FNDC10: variants seen among roughly 807,000 people sequenced by gnomAD.
The protein encoded by FNDC10 is fibronectin type III domain-containing protein 10.
In FNDC10, 8 loss-of-function variants were observed where a neutral mutation model predicts 11.6. The ratio of observed to expected loss-of-function variants is 0.69; its 90% CI spans 0.41 to 1.25. The LOEUF is 1.25. Among genes scored for constraint, FNDC10 ranks in the 50% most tolerant of loss-of-function variants. FNDC10 has a pLI of 0.01. For synonymous variants in FNDC10, 187 were observed against 162.9 expected, an observed-to-expected ratio of 1.15 and a Z score of -1.12; for missense variants, 308 against 330.2, an observed-to-expected ratio of 0.93 and a Z score of 0.52.
rs2100219842 is a variant in FNDC10, at chr1:1,599,214, G to C, written c.*121C>G. 1 of 997,082 alleles carries C rather than the reference G, an allele frequency of 1.0e-6. No individual in the cohort carries two copies. The highest frequency in any genetic ancestry group is 1.8e-5 in the South Asian group (1 of 56,326). 61.8% of individuals were successfully genotyped at this position (997,082 alleles called of 1,614,324 possible). ...AAAGTGCCGGAGCCGTCGCCGGCAG[G>C]TCCTCCTCCGCGGGGATCTTAAGGA... On this transcript the variant is annotated 3_prime_UTR_variant, in exon 1 of 1. Transcript: ENST00000422725. This position sits in a 1 kb window ranked among gnomAD's most constrained non-coding sequence, Gnocchi z 6.7.
rs1643095978 is a variant in FNDC10, at chr1:1,600,039, G to A, written c.-24C>T. 4 of 976,954 alleles carry A rather than the reference G, an allele frequency of 4.1e-6. No homozygotes were observed. Among genetic ancestry groups the A allele is most frequent in the Non-Finnish European group, 4.8e-6 (4 of 825,600 alleles). 60.5% of individuals were successfully genotyped at this position (976,954 alleles called of 1,614,324 possible). A position where few individuals can be genotyped will look rare whatever the true frequency, so the allele number is the denominator to read the frequency against. Reference sequence around the variant, plus strand: ...ATCCTGCGGCGGGGCCACGGGGCGCGGCGCTGGGTCACGCGGGCCGCGCCG... The same window carrying A: ...ATCCTGCGGCGGGGCCACGGGGCGCAGCGCTGGGTCACGCGGGCCGCGCCG... On this transcript the variant is annotated 5_prime_UTR_variant, in exon 1 of 1. Coordinates refer to ENST00000422725, the MANE Select transcript of FNDC10 (RefSeq NM_001242659.2).
chr1:1,599,705 C>A lies in FNDC10; in HGVS notation c.311G>T (p.Arg104Leu). ...RLAPAAARRV[R>L]AFALNCSWRG... ...CCACGAGCAGTTGAGCGCGAAGGCG[C>A]GCACGCGGCGCGCGGCGGCCGGGGC... Residue 104 changes from arginine (R) to leucine (L), a missense_variant, in exon 1 of 1, where the codon CGC becomes CTC. By Grantham distance (102) the Arg-to-Leu change is moderately radical (BLOSUM62 -2). Transcript: ENST00000422725. This position sits in a 1 kb window ranked among gnomAD's most constrained non-coding sequence, Gnocchi z 6.7. 7.4e-7 allele frequency: 1 copy of A among 1,347,312 alleles called. No homozygotes were observed. The allele number at this position is 1,347,312 out of a possible 1,614,324, so 83.5% of individuals were successfully genotyped here. A position where few individuals can be genotyped will look rare whatever the true frequency, so the allele number is the denominator to read the frequency against.
In FNDC10 at chr1:1,598,832, G is replaced by C. The variant is rs1032672884; in HGVS notation, c.*503C>G. On this transcript the variant is annotated 3_prime_UTR_variant, in exon 1 of 1. Transcript: ENST00000422725. Reference sequence around the variant, plus strand: ...ACAGACCCCCCCTGGACAGCAGAGGGTGTTGGCTCCTGCAGTGGGCCCGAG... The same window carrying C: ...ACAGACCCCCCCTGGACAGCAGAGGCTGTTGGCTCCTGCAGTGGGCCCGAG... The C allele has an allele frequency of 1.3e-5, 2 of 158,164 alleles. No individual in the cohort carries two copies. The highest frequency in any genetic ancestry group is 2.8e-5 in the Non-Finnish European group (2 of 72,226). 9.8% of individuals were successfully genotyped at this position (158,164 alleles called of 1,614,324 possible).
chr1:1,599,769 C>T lies in FNDC10; in HGVS notation c.247G>A (p.Val83Ile), dbSNP rs1643090605. ...AGGAGGACGCTGCGGTTGCGCAGGA[C>T]GCTGGCGCGCAGGGAGCGGCCGGCC... ...APAGRSLRAS[V>I]LRNRSVLLQW... Residue 83 changes from valine (V) to isoleucine (I), a missense_variant, in exon 1 of 1, where the codon GTC (valine) becomes ATC (isoleucine). Transcript: ENST00000422725. This position sits in a 1 kb window ranked among gnomAD's most constrained non-coding sequence, Gnocchi z 6.7. 2 of 1,261,004 alleles carry T rather than the reference C, an allele frequency of 1.6e-6. No homozygotes were observed. The highest frequency in any genetic ancestry group is 1.6e-5 in the African/African-American group (1 of 63,132). The allele number at this position is 1,261,004 out of a possible 1,614,324, so 78.1% of individuals were successfully genotyped here.
At position 1,599,533 on chromosome 1, in the gene FNDC10, C is replaced by CGCG. The variant is rs753388698; in HGVS notation, c.480_482dup (p.Ala161dup). On this transcript the variant is annotated inframe_insertion, in exon 1 of 1. Coordinates refer to ENST00000422725, the MANE Select transcript of FNDC10 (RefSeq NM_001242659.2). This position sits in a 1 kb window ranked among gnomAD's most constrained non-coding sequence, Gnocchi z 6.7. ...ACTCGGCCGGCTCGGGGGTCTCTGG[C>CGCG]GCGGCGGCGGCGGGCCCAGCGCGCA... 8 of 1,507,124 alleles carry CGCG rather than the reference C, an allele frequency of 5.3e-6. No individual in the cohort carries two copies. Among genetic ancestry groups the CGCG allele is most frequent in the Admixed American group, 2.2e-5 (1 of 46,332 alleles). The allele number at this position is 1,507,124 out of a possible 1,614,324, so 93.4% of individuals were successfully genotyped here.
Position 1,598,984 on chromosome 1 carries a change from C to G in FNDC10, c.*351G>C, listed in dbSNP as rs1377398810. ...TGGCGACGGTCTGTCTGGGACAATT[C>G]GGCACAGGATGGAGGTGCGGGGTGA... is the stretch of plus-strand genomic sequence containing the variant. On this transcript the variant is annotated 3_prime_UTR_variant, in exon 1 of 1. Transcript: ENST00000422725. 5.9e-6 allele frequency: 2 copies of G among 341,230 alleles called. No individual in the cohort carries two copies. Among genetic ancestry groups the G allele is most frequent in the Non-Finnish European group, 1.1e-5 (2 of 187,996 alleles). The allele number at this position is 341,230 out of a possible 1,614,324, so 21.1% of individuals were successfully genotyped here.
Position 1,599,665 on chromosome 1 carries a change from C to A in FNDC10, c.351G>T (p.Thr117=), listed in dbSNP as rs1468142134. The A allele has an allele frequency of 6.9e-7, 1 of 1,449,828 alleles. No individual in the cohort carries two copies. The highest frequency in any genetic ancestry group is 3.0e-5 in the East Asian group (1 of 33,850). The allele number at this position is 1,449,828 out of a possible 1,614,324, so 89.8% of individuals were successfully genotyped here. Residue 117 remains threonine, a synonymous_variant, in exon 1 of 1, where the codon ACG becomes ACT. Coordinates refer to ENST00000422725, the MANE Select transcript of FNDC10 (RefSeq NM_001242659.2). The surrounding 1 kb of genome is among the most constrained non-coding windows in gnomAD (Gnocchi z 6.7). ...ALNCSWRGAY[T]RFPCERVLLG... ...GGAGCACGCGCTCGCACGGGAAGCG[C>A]GTGTAGGCGCCGCGCCACGAGCAGT...
Position 1,599,821 on chromosome 1 carries a change from C to T in FNDC10, c.195G>A (p.Gln65=). The T allele has an allele frequency of 8.8e-7, 1 of 1,139,806 alleles. No homozygotes were observed. Among genetic ancestry groups the T allele is most frequent in the Non-Finnish European group, 1.1e-6 (1 of 931,972 alleles). The allele number at this position is 1,139,806 out of a possible 1,614,324, so 70.6% of individuals were successfully genotyped here. The change falls in exon 1 of 1, where the codon CAG becomes CAA. Residue 65 remains glutamine, a synonymous_variant. Transcript: ENST00000422725. This position sits in a 1 kb window ranked among gnomAD's most constrained non-coding sequence, Gnocchi z 6.7. ...FRSPARGFRC[Q]APGCVLHAPA... is the part of the protein sequence containing the mutation. ...GGGCGTGCAGCACGCAGCCCGGAGC[C>T]TGGCAGCGGAAGCCGCGCGCGGGGC...
rs1643091180 is a variant in FNDC10, at chr1:1,599,795, G to C, written c.221C>G (p.Pro74Arg). 2 of 1,214,912 alleles carry C rather than the reference G, an allele frequency of 1.6e-6. No individual in the cohort carries two copies. Among genetic ancestry groups the C allele is most frequent in the Admixed American group, 4.5e-5 (1 of 22,274 alleles). The allele number at this position is 1,214,912 out of a possible 1,614,324, so 75.3% of individuals were successfully genotyped here. Residue 74 changes from proline (P) to arginine (R), a missense_variant, in exon 1 of 1, where the codon CCG becomes CGG. Transcript: ENST00000422725. This position sits in a 1 kb window ranked among gnomAD's most constrained non-coding sequence, Gnocchi z 6.7. ...CQAPGCVLHA[P>R]AGRSLRASVL... ...GCTGGCGCGCAGGGAGCGGCCGGCC[G>C]GGGCGTGCAGCACGCAGCCCGGAGC...
In FNDC10 at chr1:1,599,346, T is replaced by C. The variant is rs1025510807; in HGVS notation, c.670A>G (p.Arg224Gly). The change falls in exon 1 of 1, where the codon AGA (arginine) becomes GGA (glycine). Residue 224 changes from arginine (R) to glycine (G), a missense_variant. Arg to Gly is a moderately radical substitution (Grantham distance 125, BLOSUM62 -2). Coordinates refer to ENST00000422725, the MANE Select transcript of FNDC10 (RefSeq NM_001242659.2). This position sits in a 1 kb window ranked among gnomAD's most constrained non-coding sequence, Gnocchi z 6.7. ...GGCGGCCTCGCGCTTCAGGGGTGTC[T>C]GCGCAGGCCGGGGCGCGCGAGGGCC... ...RPALARPGLR[R>G]HP is the part of the protein sequence containing the mutation. 13 of 1,511,658 alleles carry C rather than the reference T, an allele frequency of 8.6e-6. No individual in the cohort carries two copies. Among genetic ancestry groups the C allele is most frequent in the Non-Finnish European group, 9.7e-6 (11 of 1,138,024 alleles). 93.6% of individuals were successfully genotyped at this position (1,511,658 alleles called of 1,614,324 possible).
Position 1,600,132 on chromosome 1 carries a change from A to C in FNDC10, c.-117T>G, listed in dbSNP as rs1443159897. 1.1e-5 allele frequency: 4 copies of C among 354,066 alleles called. No homozygotes were observed. The highest frequency in any genetic ancestry group is 1.5e-5 in the Non-Finnish European group (4 of 258,206). The allele number at this position is 354,066 out of a possible 1,614,324, so 21.9% of individuals were successfully genotyped here. ...GCGCCCTCCGCCGCCGCCCGCTCCGACCCGCCCCCGCGCCCCGTGCGCGCT... is the reference window on the plus strand; with the variant it reads ...GCGCCCTCCGCCGCCGCCCGCTCCGCCCCGCCCCCGCGCCCCGTGCGCGCT... On this transcript the variant is annotated 5_prime_UTR_variant, in exon 1 of 1. Transcript: ENST00000422725.
In FNDC10 at chr1:1,599,320, G is replaced by A. The variant is rs1248020370; in HGVS notation, c.*15C>T. 1.4e-6 allele frequency: 2 copies of A among 1,468,316 alleles called. No individual in the cohort carries two copies. The highest frequency in any genetic ancestry group is 9.0e-7 in the Non-Finnish European group (1 of 1,116,560). 91.0% of individuals were successfully genotyped at this position (1,468,316 alleles called of 1,614,324 possible). A position where few individuals can be genotyped will look rare whatever the true frequency, so the allele number is the denominator to read the frequency against. On this transcript the variant is annotated 3_prime_UTR_variant, in exon 1 of 1. Coordinates refer to ENST00000422725, the MANE Select transcript of FNDC10 (RefSeq NM_001242659.2). The surrounding 1 kb of genome is among the most constrained non-coding windows in gnomAD (Gnocchi z 6.7). ...TCAGGCAGGTGGCGCAAAGATGGGC[G>A]GGCGGCCTCGCGCTTCAGGGGTGTC... is the stretch of plus-strand genomic sequence containing the variant.
Position 1,599,332 on chromosome 1 carries a change from G to C in FNDC10, c.*3C>G, listed in dbSNP as rs1003368451. 2 of 1,484,034 alleles carry C rather than the reference G, an allele frequency of 1.3e-6. No individual in the cohort carries two copies. The highest frequency in any genetic ancestry group is 1.4e-5 in the African/African-American group (1 of 69,084). 91.9% of individuals were successfully genotyped at this position (1,484,034 alleles called of 1,614,324 possible). On this transcript the variant is annotated 3_prime_UTR_variant, in exon 1 of 1. Transcript: ENST00000422725. This position sits in a 1 kb window ranked among gnomAD's most constrained non-coding sequence, Gnocchi z 6.7. ...CGCAAAGATGGGCGGGCGGCCTCGCGCTTCAGGGGTGTCTGCGCAGGCCGG... is the reference window on the plus strand; with the variant it reads ...CGCAAAGATGGGCGGGCGGCCTCGCCCTTCAGGGGTGTCTGCGCAGGCCGG...
rs1221248671 is a variant in FNDC10, at chr1:1,598,854, C to G, written c.*481G>C. 1 of 160,512 alleles carries G rather than the reference C, an allele frequency of 6.2e-6. No homozygotes were observed. The highest frequency in any genetic ancestry group is 1.4e-5 in the Non-Finnish European group (1 of 73,920). 9.9% of individuals were successfully genotyped at this position (160,512 alleles called of 1,614,324 possible). A position where few individuals can be genotyped will look rare whatever the true frequency, so the allele number is the denominator to read the frequency against. ...AGGGTGTTGGCTCCTGCAGTGGGCC[C>G]GAGATACTAAGGCACGAAGCTAACC... On this transcript the variant is annotated 3_prime_UTR_variant, in exon 1 of 1. Transcript: ENST00000422725.
In FNDC10 at chr1:1,599,078, G is replaced by C; in HGVS notation, c.*257C>G. Reference sequence around the variant, plus strand: ...GGCCGCCTCTATAAAGGCCTGCGGAGAGCGGGGAGAGCCCTGGATGCGGCT... The same window carrying C: ...GGCCGCCTCTATAAAGGCCTGCGGACAGCGGGGAGAGCCCTGGATGCGGCT... On this transcript the variant is annotated 3_prime_UTR_variant, in exon 1 of 1. Transcript: ENST00000422725. This position sits in a 1 kb window ranked among gnomAD's most constrained non-coding sequence, Gnocchi z 6.7. 1 of 528,458 alleles carries C rather than the reference G, an allele frequency of 1.9e-6. No homozygotes were observed. Among genetic ancestry groups the C allele is most frequent in the South Asian group, 2.6e-5 (1 of 38,220 alleles). The allele number at this position is 528,458 out of a possible 1,614,324, so 32.7% of individuals were successfully genotyped here. A position where few individuals can be genotyped will look rare whatever the true frequency, so the allele number is the denominator to read the frequency against.
chr1:1,599,812 G>A lies in FNDC10; in HGVS notation c.204C>T (p.Gly68=), dbSNP rs1643091605. The change falls in exon 1 of 1, where the codon GGC becomes GGT. Residue 68 remains glycine (G), a synonymous_variant. Coordinates refer to ENST00000422725, the MANE Select transcript of FNDC10 (RefSeq NM_001242659.2). This position sits in a 1 kb window ranked among gnomAD's most constrained non-coding sequence, Gnocchi z 6.7. ...GGCCGGCCGGGGCGTGCAGCACGCA[G>A]CCCGGAGCCTGGCAGCGGAAGCCGC... ...PARGFRCQAP[G]CVLHAPAGRS... is the part of the protein sequence containing the mutation. 4 of 1,159,878 alleles carry A rather than the reference G, an allele frequency of 3.4e-6. No homozygotes were observed. In the African/African-American group the frequency reaches 4.9e-5, roughly 14 times the overall value. The allele number at this position is 1,159,878 out of a possible 1,614,324, so 71.8% of individuals were successfully genotyped here.
In FNDC10 at chr1:1,599,407, C is replaced by A. The variant is rs550711644; in HGVS notation, c.609G>T (p.Leu203=). 6.5e-7 allele frequency: 1 copy of A among 1,534,146 alleles called. No individual in the cohort carries two copies. The highest frequency in any genetic ancestry group is 2.5e-5 in the East Asian group (1 of 40,750). ...GGTTCTCGGTGATGTAGGCCACCAG[C>A]AGGCAGATGACCACCAGCATGACGC... The part of the protein sequence containing the change: ...SICVMLVVIC[L]LVAYITENLM... Residue 203 remains leucine (L), a synonymous_variant, in exon 1 of 1, where the codon CTG becomes CTT. Coordinates refer to ENST00000422725, the MANE Select transcript of FNDC10 (RefSeq NM_001242659.2). The surrounding 1 kb of genome is among the most constrained non-coding windows in gnomAD (Gnocchi z 6.7).
At position 1,599,140 on chromosome 1, in the gene FNDC10, C is replaced by T. The variant is rs1423162953; in HGVS notation, c.*195G>A. On this transcript the variant is annotated 3_prime_UTR_variant, in exon 1 of 1. Transcript: ENST00000422725. The surrounding 1 kb of genome is among the most constrained non-coding windows in gnomAD (Gnocchi z 6.7). The stretch of plus-strand genomic sequence containing the variant: ...GCAAGCCCAGGGGCCAATCCGGGGC[C>T]AGAGTCTGGGAGTCTGACGCCCGGC... 3.4e-6 allele frequency: 2 copies of T among 582,660 alleles called. No individual in the cohort carries two copies. The highest frequency in any genetic ancestry group is 5.9e-6 in the Non-Finnish European group (2 of 341,544). The allele number at this position is 582,660 out of a possible 1,614,324, so 36.1% of individuals were successfully genotyped here.
In FNDC10 at chr1:1,598,501, T is replaced by A. The variant is rs1222220283; in HGVS notation, c.*834A>T. The A allele has an allele frequency of 6.6e-6, 1 of 152,174 alleles. No individual in the cohort carries two copies. Among genetic ancestry groups the A allele is most frequent in the African/African-American group, 2.4e-5 (1 of 41,394 alleles). The allele number at this position is 152,174 out of a possible 1,614,324, so 9.4% of individuals were successfully genotyped here. On this transcript the variant is annotated 3_prime_UTR_variant, in exon 1 of 1. Transcript: ENST00000422725. ...GGAAGGTCGGGCTGCTCAAGGCCGG[T>A]ATCTAAGCTTCTGCCCTGGGACCCA...
Sources: gnomAD v4.1 joint callset for allele counts on GRCh38, gnomAD v4.1.1 for gene constraint, Gnocchi (gnomAD v3.1) non-coding constraint, MANE v1.5 for transcripts, NCBI Gene and HGNC (gene_info 2026-07-23, HGNC 2026-07-21) for gene names.